ZNF431: variants seen among roughly 807,000 people sequenced by gnomAD.
ZNF431 encodes the protein zinc finger protein 431.
In ZNF431, 34 loss-of-function variants were observed where a neutral mutation model predicts 57.0. The ratio of observed to expected loss-of-function variants is 0.60; its 90% CI spans 0.45 to 0.79. ZNF431 has a LOEUF of 0.79. Among genes scored for constraint, ZNF431 ranks in the 30% least tolerant of loss-of-function variants. The probability of loss-of-function intolerance (pLI) is 0.00; values close to 1 mark genes in which losing one functional copy is unlikely to be tolerated. For synonymous variants in ZNF431, 207 were observed against 220.3 expected, an observed-to-expected ratio of 0.94 and a Z score of 0.54; for missense variants, 607 against 667.1, an observed-to-expected ratio of 0.91 and a Z score of 0.99.
At chr19:21,168,021 A>G (rs1970774199) in intron 4 of ZNF431, among the ~76,000 whole-genome samples, 1 of 152,074 alleles carries the variant, frequency 6.6e-6, no homozygotes, top group South Asian at 2.1e-4. Context: ...ATTCTTTGTT[A>G]AATTATTTTT....
intron 4 of ZNF431, among the ~76,000 whole-genome samples, chr19:21,182,182 TTA>T (rs1971225263): frequency 6.6e-6 from 1 of 152,296 alleles, no homozygotes; most frequent in Admixed American, 6.5e-5. Flanking sequence ...TTTCAGCACT[TTA>T]TGTTATGGGA....
At chr19:21,162,837 A>G (rs1970613339) in intron 2 of ZNF431, 1 of 821,798 alleles carries the variant, frequency 1.2e-6, no homozygotes. Flanking sequence ...GAAATATTCC[A>G]TTTAGCAACT....
At position 21,165,445 on chromosome 19, in the gene ZNF431, T is replaced by A. The variant is rs1599598065; in HGVS notation, c.97-890T>A. The stretch of plus-strand genomic sequence containing the variant: ...ATCTTGACCTTTGCATAAAACTGAT[T>A]TTTTAATGGTTAAATTCAGTCTATA... On this transcript the variant is annotated intron_variant, in intron 2 of 4. Coordinates refer to ENST00000311048, the MANE Select transcript of ZNF431 (RefSeq NM_133473.4). Among the ~76,000 whole-genome samples, 3 of 152,322 alleles carry A rather than the reference T, an allele frequency of 2.0e-5. No individual in the cohort carries two copies. The South Asian group carries it at 6.2e-4, about 32-fold the overall frequency.
At chr19:21,170,639 T>TA in intron 4 of ZNF431, among the ~76,000 whole-genome samples, 1 of 151,296 alleles carries the variant, frequency 6.6e-6, no homozygotes, top group Non-Finnish European at 1.5e-5. Flanking sequence ...CATAATTTCT[T>TA]TCTTTTCTTT....
In ZNF431 at chr19:21,195,793, G is replaced by A. The variant is rs1380559801; in HGVS notation, c.*11759G>A. ...GCAGATTTAAATATTTTATTGCAGT[G>A]TAAAGTTTAATATTTAGATGTGTGA... is the stretch of plus-strand genomic sequence containing the variant. On this transcript the variant is annotated 3_prime_UTR_variant, in exon 5 of 5. Coordinates refer to ENST00000311048, the MANE Select transcript of ZNF431 (RefSeq NM_133473.4). 6.6e-6 allele frequency: 1 copy of A among 152,084 alleles called. No homozygotes were observed. Among genetic ancestry groups the A allele is most frequent in the African/African-American group, 2.4e-5 (1 of 41,402 alleles). 9.4% of individuals were successfully genotyped at this position (152,084 alleles called of 1,614,324 possible). A position where few individuals can be genotyped will look rare whatever the true frequency, so the allele number is the denominator to read the frequency against.
intron 2 of ZNF431, among the ~76,000 whole-genome samples, chr19:21,155,660 G>A (rs2144956789): frequency 6.6e-6 from 1 of 152,176 alleles, no homozygotes; most frequent in South Asian, 2.1e-4. Flanking sequence ...GAGCCTATGG[G>A]GTTTGTCACT....
chr19:21,190,550 T>A lies in ZNF431; in HGVS notation c.*6516T>A, dbSNP rs1174766786. ...ACAGGAATGAGTTGATATAGGGATTTTTTTTTTGGCTTGTCTTTTTGTGAT... is the reference window on the plus strand; with the variant it reads ...ACAGGAATGAGTTGATATAGGGATTATTTTTTTGGCTTGTCTTTTTGTGAT... On this transcript the variant is annotated 3_prime_UTR_variant, in exon 5 of 5. Coordinates refer to ENST00000311048, the MANE Select transcript of ZNF431 (RefSeq NM_133473.4). 3 of 152,322 alleles carry A rather than the reference T, an allele frequency of 2.0e-5. No individual in the cohort carries two copies. The East Asian group carries it at 5.8e-4, about 29-fold the overall frequency. 9.4% of individuals were successfully genotyped at this position (152,322 alleles called of 1,614,324 possible).
chr19:21,159,829 C>T (rs1204493010), intron 2 of ZNF431, among the ~76,000 whole-genome samples: 1 of 152,094 alleles, frequency 6.6e-6, no homozygotes, highest in Non-Finnish European at 1.5e-5. Context: ...CTATTTATTA[C>T]TAATTCAATT....
chr19:21,191,639 T>C lies in ZNF431; in HGVS notation c.*7605T>C, dbSNP rs549523662. 1 of 152,348 alleles carries C rather than the reference T, an allele frequency of 6.6e-6. No individual in the cohort carries two copies. The highest frequency in any genetic ancestry group is 2.1e-4 in the South Asian group (1 of 4,824). The allele number at this position is 152,348 out of a possible 1,614,324, so 9.4% of individuals were successfully genotyped here. ...GCATGTGGATATAAAGTTTTCTTAA[T>C]TGAAGATTCTGTTCTTTCCCTTTAA... On this transcript the variant is annotated 3_prime_UTR_variant, in exon 5 of 5. Coordinates refer to ENST00000311048, the MANE Select transcript of ZNF431 (RefSeq NM_133473.4).
At chr19:21,170,394 G>A (rs1970849663) in intron 4 of ZNF431, among the ~76,000 whole-genome samples, 1 of 152,032 alleles carries the variant, frequency 6.6e-6, no homozygotes, top group African/African-American at 2.4e-5. Context: ...TGTCACTGAT[G>A]TTACTCTTTC....
chr19:21,169,081 T>G (rs920995462), intron 4 of ZNF431, among the ~76,000 whole-genome samples: 2 of 151,920 alleles, frequency 1.3e-5, no homozygotes, highest in Non-Finnish European at 2.9e-5. Context: ...CAGCTAAATT[T>G]TTTTTTGCAT....
chr19:21,184,056 G>A lies in ZNF431; in HGVS notation c.*22G>A. 2.0e-6 allele frequency: 3 copies of A among 1,530,394 alleles called. No individual in the cohort carries two copies. The highest frequency in any genetic ancestry group is 2.6e-6 in the Non-Finnish European group (3 of 1,144,708). The allele number at this position is 1,530,394 out of a possible 1,614,324, so 94.8% of individuals were successfully genotyped here. On this transcript the variant is annotated 3_prime_UTR_variant, in exon 5 of 5. Coordinates refer to ENST00000311048, the MANE Select transcript of ZNF431 (RefSeq NM_133473.4). ...TTAAGCAGTCCTCAACTCTTACTAAGCATTAAATATTGGCCGGGTGCGGTG... is the reference window on the plus strand; with the variant it reads ...TTAAGCAGTCCTCAACTCTTACTAAACATTAAATATTGGCCGGGTGCGGTG...
rs1384162299 is a variant in ZNF431, at chr19:21,188,695, G to A, written c.*4661G>A. On this transcript the variant is annotated 3_prime_UTR_variant, in exon 5 of 5. Coordinates refer to ENST00000311048, the MANE Select transcript of ZNF431 (RefSeq NM_133473.4). ...GTCACCAAACTGTAGCCAACTCTTG[G>A]GTCATTTTCTCTGAAAAACATTTGG... The A allele has an allele frequency of 6.6e-6, 1 of 151,756 alleles. No individual in the cohort carries two copies. 9.4% of individuals were successfully genotyped at this position (151,756 alleles called of 1,614,324 possible). A position where few individuals can be genotyped will look rare whatever the true frequency, so the allele number is the denominator to read the frequency against.
chr19:21,189,573 G>T lies in ZNF431; in HGVS notation c.*5539G>T. 4.2e-6 allele frequency: 1 copy of T among 237,000 alleles called. No homozygotes were observed. Among genetic ancestry groups the T allele is most frequent in the Non-Finnish European group, 8.0e-6 (1 of 124,716 alleles). 14.7% of individuals were successfully genotyped at this position (237,000 alleles called of 1,614,324 possible). On this transcript the variant is annotated 3_prime_UTR_variant, in exon 5 of 5. Transcript: ENST00000311048. ...TTCAAAAATCCAAATACATTATTAT[G>T]AACTATAGTCACCATGTTGTGCAAT...
chr19:21,181,649 C>T (rs960766432), intron 4 of ZNF431, among the ~76,000 whole-genome samples: 1 of 151,416 alleles, frequency 6.6e-6, no homozygotes, highest in African/African-American at 2.4e-5. Context: ...TTATATTTTC[C>T]TTTACAATTT....
chr19:21,178,992 T>C (rs1971135417), intron 4 of ZNF431, among the ~76,000 whole-genome samples: 1 of 152,148 alleles, frequency 6.6e-6, no homozygotes, highest in Non-Finnish European at 1.5e-5. Context: ...GCTATAAATT[T>C]ATCTGATCCT....
Position 21,142,113 on chromosome 19 carries a change from C to A in ZNF431, c.-71C>A. Reference sequence around the variant, plus strand: ...TCCTCTGCTCCTAGAGGCCCAACATCTGTGGCCCTGTGACCTGCAGGTATT... The same window carrying A: ...TCCTCTGCTCCTAGAGGCCCAACATATGTGGCCCTGTGACCTGCAGGTATT... On this transcript the variant is annotated 5_prime_UTR_variant, in exon 1 of 5. It adds an upstream start codon to the 5' untranslated region. Transcript: ENST00000311048. 6.3e-7 allele frequency: 1 copy of A among 1,595,046 alleles called. No homozygotes were observed. Among genetic ancestry groups the A allele is most frequent in the South Asian group, 1.1e-5 (1 of 90,368 alleles).
intron 2 of ZNF431, among the ~76,000 whole-genome samples, chr19:21,150,776 G>A (rs1599578317): frequency 6.6e-6 from 1 of 152,108 alleles, no homozygotes; most frequent in Non-Finnish European, 1.5e-5. Flanking sequence ...CAAAAGTATA[G>A]TTCTCACCTA....
At chr19:21,157,870 G>A (rs1425645751) in intron 2 of ZNF431, among the ~76,000 whole-genome samples, 1 of 140,342 alleles carries the variant, frequency 7.1e-6, no homozygotes, top group Non-Finnish European at 1.5e-5. Context: ...TTTTTGCTCT[G>A]TATTCTGCTG....
Sources: allele counts gnomAD v4.1 joint callset (sites outside exome capture counted in the v4.1 genomes callset), GRCh38; gene constraint gnomAD v4.1.1; transcripts MANE v1.5; gene names NCBI Gene and HGNC (gene_info 2026-07-23, HGNC 2026-07-21).